The following DTNA variants were observed in gnomAD, a reference collection of about 807,000 sequenced individuals.
The protein encoded by DTNA is dystrophin-related protein 3.
In DTNA, 43 loss-of-function variants were observed where a neutral mutation model predicts 100.7. The ratio of observed to expected loss-of-function variants is 0.43; its 90% CI spans 0.33 to 0.55. DTNA has a LOEUF of 0.55. Among genes scored for constraint, DTNA ranks in the 20% least tolerant of loss-of-function variants. The probability of loss-of-function intolerance (pLI) is 0.04; values close to 1 mark genes in which losing one functional copy is unlikely to be tolerated. For synonymous variants in DTNA, 349 were observed against 347.9 expected (o/e 1.00, Z -0.04); for missense variants, 798 against 953.9 (o/e 0.84, Z 2.15).
At chr18:34,883,501 G>A (rs1024823639) in intron 21 of DTNA, among the ~76,000 whole-genome samples, 3 of 151,758 alleles carry the variant, frequency 2.0e-5, no homozygotes, top group African/African-American at 7.3e-5. Context: ...GTGGAGTCAG[G>A]GTCTCACCAT....
chr18:34,592,502 A>ACACACACACACACACACG (rs1371552393), intron 1 of DTNA, among the ~76,000 whole-genome samples: 31 of 150,610 alleles, frequency 2.1e-4, no homozygotes, highest in African/African-American at 6.6e-4. Flanking sequence ...ACACACACAC[A>ACACACACACACACACACG]CACATTTTGT....
At chr18:34,607,843 A>G (rs1200809623) in intron 1 of DTNA, among the ~76,000 whole-genome samples, 1 of 152,200 alleles carries the variant, frequency 6.6e-6, no homozygotes, top group Non-Finnish European at 1.5e-5. Flanking sequence ...ATCAGAAGAT[A>G]CAGAATTGCA....
At chr18:34,803,791 A>T (rs2095288321) in intron 4 of DTNA, among the ~76,000 whole-genome samples, 1 of 152,198 alleles carries the variant, frequency 6.6e-6, no homozygotes, top group Non-Finnish European at 1.5e-5. Context: ...AAATCATTGC[A>T]TTTCTATTAC....
chr18:34,870,801 C>G (rs1288745845), intron 17 of DTNA, among the ~76,000 whole-genome samples: 2 of 152,134 alleles, frequency 1.3e-5, no homozygotes, highest in African/African-American at 4.8e-5. Flanking sequence ...TTGCTCTGCT[C>G]TTCTCTTCTC....
intron 1 of DTNA, among the ~76,000 whole-genome samples, chr18:34,562,526 A>G (rs913735539): frequency 2.0e-5 from 3 of 152,080 alleles, no homozygotes; most frequent in African/African-American, 7.2e-5. Flanking sequence ...TTTCTTTACC[A>G]TGCAGCATTC....
intron 19 of DTNA, among the ~76,000 whole-genome samples, chr18:34,878,785 T>C (rs1603343225): frequency 6.6e-6 from 1 of 152,298 alleles, no homozygotes; most frequent in African/African-American, 2.4e-5. Context: ...AATAAATATC[T>C]TACCAGTCAC....
intron 4 of DTNA, among the ~76,000 whole-genome samples, chr18:34,805,388 A>G (rs1001374070): frequency 1.1e-4 from 16 of 152,056 alleles, no homozygotes; most frequent in African/African-American, 3.6e-4. Context: ...GCAGTGGCAC[A>G]ATGTTGGCTC....
At chr18:34,709,459 A>G (rs1024613144), upstream of DTNA, 25 of 152,196 alleles carry the variant, frequency 1.6e-4, no homozygotes, top group Admixed American at 1.6e-3. Flanking sequence ...CAAGCGGGGA[A>G]GCTCCAGTCA....
At chr18:34,838,877 G>A (rs1315906084) in intron 13 of DTNA, 40 bp downstream of exon 13, 2 of 1,566,406 alleles carry the variant, frequency 1.3e-6, no homozygotes, top group South Asian at 1.1e-5. Context: ...CTTAGAGAGG[G>A]ATACAGTCTG....
chr18:34,864,174 A>G lies in DTNA; in HGVS notation c.1743+112A>G. 6 of 927,584 alleles carry G rather than the reference A, an allele frequency of 6.5e-6. No homozygotes were observed. The Admixed American group carries it at 8.3e-5, about 13-fold the overall frequency. The allele number at this position is 927,584 out of a possible 1,614,324, so 57.5% of individuals were successfully genotyped here. ...ATTGCTGTATGTGATTTCCCTCAAC[A>G]TGTTGTTTCAAGCTCAGATGTAAAA... On this transcript the variant is annotated intron_variant, in intron 17 of 22. Coordinates refer to ENST00000444659, the MANE Select transcript of DTNA (RefSeq NM_001386795.1).
intron 9 of DTNA, 60 bp from the exon 10 acceptor site, chr18:34,827,533 G>A (rs1193295784): frequency 6.5e-7 from 1 of 1,540,670 alleles, no homozygotes; most frequent in Non-Finnish European, 9.0e-7. Flanking sequence ...ATGAGGGAGA[G>A]TTTTAAATTT....
intron 1 of DTNA, among the ~76,000 whole-genome samples, chr18:34,675,800 G>A (rs974535653): frequency 3.9e-5 from 6 of 152,028 alleles, no homozygotes; most frequent in Admixed American, 1.3e-4. Flanking sequence ...CTGTTTGTTC[G>A]TGCAATAAAT....
chr18:34,594,917 A>C (rs2050282862), intron 1 of DTNA, among the ~76,000 whole-genome samples: 1 of 152,222 alleles, frequency 6.6e-6, no homozygotes, highest in South Asian at 2.1e-4. Context: ...AATCTGACTT[A>C]AGAGAGTTTT....
At chr18:34,873,813 A>G (rs984055133) in intron 17 of DTNA, among the ~76,000 whole-genome samples, 6 of 152,200 alleles carry the variant, frequency 3.9e-5, no homozygotes, top group Non-Finnish European at 7.3e-5. Flanking sequence ...AATGGGGCTG[A>G]GCTGCCAGAG....
intron 2 of DTNA, among the ~76,000 whole-genome samples, chr18:34,764,341 A>T (rs1301045387): frequency 6.6e-6 from 1 of 152,226 alleles, no homozygotes; most frequent in Non-Finnish European, 1.5e-5. Flanking sequence ...GAAGTGACAG[A>T]GTTAAATTTT....
chr18:34,691,115 T>C (rs1389959715), intron 1 of DTNA, among the ~76,000 whole-genome samples: 1 of 152,154 alleles, frequency 6.6e-6, no homozygotes, highest in African/African-American at 2.4e-5. Context: ...GGAGCAACAT[T>C]TTGTATTACT....
At chr18:34,588,591 CAACA>C (rs987491614) in intron 1 of DTNA, among the ~76,000 whole-genome samples, 3 of 151,998 alleles carry the variant, frequency 2.0e-5, no homozygotes, top group South Asian at 4.2e-4. Context: ...TAAGCTCCTG[CAACA>C]AAGATCCAGA....
At chr18:34,646,584 T>A (rs1555673590) in intron 1 of DTNA, among the ~76,000 whole-genome samples, 1 of 152,232 alleles carries the variant, frequency 6.6e-6, no homozygotes, top group Non-Finnish European at 1.5e-5. Flanking sequence ...AGAAGCAATA[T>A]GACATCGGAA....
At chr18:34,774,752 A>C (rs1011631142) in intron 3 of DTNA, among the ~76,000 whole-genome samples, 4 of 152,344 alleles carry the variant, frequency 2.6e-5, no homozygotes, top group Non-Finnish European at 5.9e-5. Context: ...AAAGCAAAAG[A>C]GAGATAGAAG....
Sources: gnomAD v4.1 joint callset for allele counts (sites outside exome capture counted in the v4.1 genomes callset) on GRCh38, gnomAD v4.1.1 for gene constraint, MANE v1.5 for transcripts, NCBI Gene and HGNC (gene_info 2026-07-23, HGNC 2026-07-21) for gene names.